GALNTL6: variants seen among roughly 807,000 people sequenced by gnomAD.
GALNTL6 encodes polypeptide N-acetylgalactosaminyltransferase like 6.
GALNTL6 carries 46 observed loss-of-function variants against 73.7 expected under a neutral mutation model. The observed-to-expected ratio is 0.62, with a 90% CI of 0.49 to 0.80. The LOEUF is 0.80. Among genes scored for constraint, GALNTL6 ranks in the 30% least tolerant of loss-of-function variants. GALNTL6 has a pLI of 0.00. For synonymous variants in GALNTL6, 259 were observed against 263.7 expected, an observed-to-expected ratio of 0.98 and a Z score of 0.17; for missense variants, 604 against 755.0, an observed-to-expected ratio of 0.80 and a Z score of 2.34.
intron 5 of GALNTL6, among the ~76,000 whole-genome samples, chr4:172,365,175 G>C (rs1428037954): frequency 2.0e-5 from 3 of 152,168 alleles, no homozygotes; most frequent in South Asian, 2.1e-4. Flanking sequence ...TTTAGGGAGA[G>C]AGCATATCAC....
At chr4:172,408,319 C>A (rs1002935626) in intron 5 of GALNTL6, among the ~76,000 whole-genome samples, 3 of 151,926 alleles carry the variant, frequency 2.0e-5, no homozygotes, top group African/African-American at 7.3e-5. Flanking sequence ...TATTTTTATA[C>A]CTATACCTGT....
At chr4:171,957,263 T>C (rs1179560923) in intron 2 of GALNTL6, among the ~76,000 whole-genome samples, 1 of 152,220 alleles carries the variant, frequency 6.6e-6, no homozygotes, top group Admixed American at 6.5e-5. Context: ...ATAACATGAA[T>C]GAATAGCAAA....
chr4:172,627,376 G>T (rs184300021), intron 5 of GALNTL6, among the ~76,000 whole-genome samples: 3 of 151,976 alleles, frequency 2.0e-5, no homozygotes, highest in Non-Finnish European at 4.4e-5. Flanking sequence ...TTTTTGATGC[G>T]CTGTGGATTC....
chr4:172,138,639 C>T (rs183355109), intron 2 of GALNTL6, among the ~76,000 whole-genome samples: 1 of 143,654 alleles, frequency 7.0e-6, no homozygotes, highest in Non-Finnish European at 1.5e-5. Context: ...ACGCCATTCT[C>T]CTGCCTCAGC....
intron 11 of GALNTL6, among the ~76,000 whole-genome samples, chr4:173,020,142 T>G (rs1222282551): frequency 6.6e-6 from 1 of 152,224 alleles, no homozygotes; most frequent in Non-Finnish European, 1.5e-5. Context: ...TCTAGTCCAT[T>G]TTCACACTTA....
chr4:172,826,045 A>G (rs1328933995), intron 7 of GALNTL6, among the ~76,000 whole-genome samples: 1 of 152,152 alleles, frequency 6.6e-6, no homozygotes, highest in African/African-American at 2.4e-5. Context: ...CATGAATGTA[A>G]CTTTTTTTTA....
chr4:172,069,304 A>T (rs1731438025), intron 2 of GALNTL6, among the ~76,000 whole-genome samples: 1 of 105,828 alleles, frequency 9.4e-6, no homozygotes, highest in South Asian at 2.7e-4. Flanking sequence ...AAATTCATTC[A>T]TCCAGCATTC....
intron 5 of GALNTL6, among the ~76,000 whole-genome samples, chr4:172,618,679 G>T (rs1738838491): frequency 6.6e-6 from 1 of 151,996 alleles, no homozygotes; most frequent in Non-Finnish European, 1.5e-5. Context: ...GAGATGATGT[G>T]TTTATTCTCT....
chr4:172,308,847 T>C (rs1003195754), intron 3 of GALNTL6, among the ~76,000 whole-genome samples: 3 of 152,218 alleles, frequency 2.0e-5, no homozygotes, highest in African/African-American at 7.2e-5. Context: ...CTCTCTTTTA[T>C]TTACTTACAT....
chr4:173,029,799 A>G (rs1753382509), intron 12 of GALNTL6, among the ~76,000 whole-genome samples: 1 of 152,226 alleles, frequency 6.6e-6, no homozygotes, highest in Non-Finnish European at 1.5e-5. Flanking sequence ...ATCCTATTAT[A>G]ATTATCCCAA....
At chr4:172,249,514 C>G (rs1446200669) in intron 3 of GALNTL6, among the ~76,000 whole-genome samples, 1 of 152,160 alleles carries the variant, frequency 6.6e-6, no homozygotes, top group Non-Finnish European at 1.5e-5. Context: ...GGGAAAATAT[C>G]TCTAGGGCAT....
intron 5 of GALNTL6, among the ~76,000 whole-genome samples, chr4:172,690,041 G>A (rs1201933993): frequency 2.0e-5 from 3 of 152,110 alleles, no homozygotes; most frequent in Non-Finnish European, 4.4e-5. Flanking sequence ...AGACTAAGAA[G>A]TAATGTGACA....
chr4:172,557,911 TA>T (rs1289314136), intron 5 of GALNTL6, among the ~76,000 whole-genome samples: 1 of 151,798 alleles, frequency 6.6e-6, no homozygotes, highest in Non-Finnish European at 1.5e-5. Context: ...TCAAGAAAAA[TA>T]AAAACATATT....
chr4:171,855,148 A>G (rs1735652426), intron 2 of GALNTL6, among the ~76,000 whole-genome samples: 1 of 152,188 alleles, frequency 6.6e-6, no homozygotes, highest in Non-Finnish European at 1.5e-5. Context: ...AGATTTCATT[A>G]GAGTTTACTC....
intron 2 of GALNTL6, among the ~76,000 whole-genome samples, chr4:171,818,583 A>T (rs1241205125): frequency 6.6e-6 from 1 of 151,538 alleles, no homozygotes; most frequent in Admixed American, 6.6e-5. Context: ...ATTAAAAAAA[A>T]AAAAAAAGCC....
intron 5 of GALNTL6, among the ~76,000 whole-genome samples, chr4:172,478,361 T>G (rs1561101824): frequency 5.9e-5 from 9 of 152,050 alleles, no homozygotes. Context: ...TAAAGCCAAA[T>G]ACCTACAGCC....
intron 5 of GALNTL6, among the ~76,000 whole-genome samples, chr4:172,737,007 G>A (rs564795362): frequency 5.2e-4 from 79 of 152,290 alleles, no homozygotes. Context: ...GGAAATGTGA[G>A]TCCATTAAAC....
chr4:172,878,874 A>G (rs538071835), intron 7 of GALNTL6, among the ~76,000 whole-genome samples: 2 of 152,006 alleles, frequency 1.3e-5, no homozygotes, highest in African/African-American at 4.8e-5. Flanking sequence ...TTTTAAGCAT[A>G]AAGACACAAA....
intron 7 of GALNTL6, among the ~76,000 whole-genome samples, chr4:172,855,381 G>A (rs1744072400): frequency 1.3e-5 from 2 of 151,958 alleles, no homozygotes; most frequent in Admixed American, 1.3e-4. Flanking sequence ...TAGTTTCAGG[G>A]GTATTTTGCT....
Sources: gnomAD v4.1 joint callset for allele counts (sites outside exome capture counted in the v4.1 genomes callset) on GRCh38, gnomAD v4.1.1 for gene constraint, MANE v1.5 for transcripts, NCBI Gene and HGNC (gene_info 2026-07-23, HGNC 2026-07-21) for gene names.